The following GALNT13 variants were observed in gnomAD, a reference collection of about 807,000 sequenced individuals.
The protein encoded by GALNT13 is polypeptide N-acetylgalactosaminyltransferase 13.
In GALNT13, 28 loss-of-function variants were observed where a neutral mutation model predicts 64.2. The ratio of observed to expected loss-of-function variants is 0.44; its 90% CI spans 0.32 to 0.60. The LOEUF (loss-of-function observed/expected upper bound fraction) is 0.60, where lower values mean the gene tolerates loss of function less well. Among genes scored for constraint, GALNT13 ranks in the 20% least tolerant of loss-of-function variants. The pLI is 0.05. For missense variants in GALNT13, 577 were observed against 669.8 expected, an observed-to-expected ratio of 0.86 and a Z score of 1.53; for synonymous variants, 214 against 224.6, an observed-to-expected ratio of 0.95 and a Z score of 0.42.
chr2:154,354,949 C>G (rs1402469706), intron 9 of GALNT13, among the ~76,000 whole-genome samples: 1 of 151,930 alleles, frequency 6.6e-6, no homozygotes, highest in Non-Finnish European at 1.5e-5. Flanking sequence ...TAACTTTCTA[C>G]CTGACTGGAT....
the GALNT13 span, among the ~76,000 whole-genome samples, chr2:153,482,441 C>A: frequency 5.3e-5 from 8 of 152,124 alleles, no homozygotes; most frequent in Non-Finnish European, 1.0e-4. Flanking sequence ...TCTTTACTTA[C>A]AACCATGTAA....
At chr2:153,377,283 T>C in the GALNT13 span, among the ~76,000 whole-genome samples, 1 of 152,116 alleles carries the variant, frequency 6.6e-6, no homozygotes, top group Non-Finnish European at 1.5e-5. Context: ...GAAATAAACT[T>C]CTGTTATTGA....
the GALNT13 span, among the ~76,000 whole-genome samples, chr2:153,306,736 C>T: frequency 6.6e-6 from 1 of 152,204 alleles, no homozygotes; most frequent in East Asian, 1.9e-4. Context: ...GGAGATCGTG[C>T]TTTATTCTCT....
chr2:154,383,001 C>T (rs1041957826), intron 9 of GALNT13, among the ~76,000 whole-genome samples: 2 of 151,784 alleles, frequency 1.3e-5, no homozygotes, highest in East Asian at 1.9e-4. Context: ...GAAAAATCCA[C>T]GGGCCAAGAC....
At chr2:153,439,709 C>A in the GALNT13 span, among the ~76,000 whole-genome samples, 1 of 152,150 alleles carries the variant, frequency 6.6e-6, no homozygotes, top group East Asian at 1.9e-4. Context: ...TTTCCAGGTG[C>A]CATCAGTCAC....
chr2:153,367,016 C>CAAAA, the GALNT13 span, among the ~76,000 whole-genome samples: 4 of 148,262 alleles, frequency 2.7e-5, no homozygotes, highest in Admixed American at 2.7e-4. Flanking sequence ...AACAAACAAA[C>CAAAA]AAAAAAAAAA....
At chr2:154,198,351 T>G (rs549190005) in intron 4 of GALNT13, among the ~76,000 whole-genome samples, 133 of 152,130 alleles carry the variant, frequency 8.7e-4, no homozygotes, top group South Asian at 2.1e-3. Context: ...TCTTTGTTGT[T>G]TTTTGTTTTG....
the GALNT13 span, among the ~76,000 whole-genome samples, chr2:153,632,287 C>G: frequency 2.0e-5 from 3 of 152,124 alleles, no homozygotes; most frequent in Non-Finnish European, 4.4e-5. Context: ...GTCCCTAGCC[C>G]CCGCTGAGTT....
the GALNT13 span, among the ~76,000 whole-genome samples, chr2:153,291,559 C>T: frequency 5.3e-5 from 8 of 152,060 alleles, no homozygotes; most frequent in African/African-American, 1.9e-4. Context: ...TTTTCATCCC[C>T]ACCACCATGC....
the GALNT13 span, among the ~76,000 whole-genome samples, chr2:153,221,884 T>G: frequency 6.6e-6 from 1 of 152,116 alleles, no homozygotes; most frequent in Non-Finnish European, 1.5e-5. Context: ...ACCCTGAAGC[T>G]TTGAGACACC....
chr2:154,283,577 CAAAA>C (rs5741595), intron 8 of GALNT13, among the ~76,000 whole-genome samples: 1 of 131,144 alleles, frequency 7.6e-6, no homozygotes, highest in Admixed American at 7.5e-5. Flanking sequence ...GACTCCGTCT[CAAAA>C]AAAAAAAAAA....
chr2:153,225,697 T>A, the GALNT13 span, among the ~76,000 whole-genome samples: 273 of 152,282 alleles, frequency 1.8e-3, 7 homozygotes, highest in East Asian at 0.047. Context: ...ACAATTATAA[T>A]TTGAAATTTA....
At chr2:154,440,268 T>C (rs1701220845) in intron 12 of GALNT13, among the ~76,000 whole-genome samples, 1 of 152,160 alleles carries the variant, frequency 6.6e-6, no homozygotes, top group Admixed American at 6.6e-5. Context: ...AAGCAAGCAG[T>C]GTGGAATTTT....
the GALNT13 span, among the ~76,000 whole-genome samples, chr2:153,702,488 A>G: frequency 6.6e-6 from 1 of 152,150 alleles, no homozygotes; most frequent in Non-Finnish European, 1.5e-5. Flanking sequence ...ATAAAAAATA[A>G]GAGCTTAGGC....
chr2:153,722,598 A>G, the GALNT13 span, among the ~76,000 whole-genome samples: 6 of 151,958 alleles, frequency 3.9e-5, no homozygotes, highest in Admixed American at 3.3e-4. Context: ...TCAAATAGAC[A>G]CAATAAAAAA....
chr2:153,411,179 A>ATTTT, the GALNT13 span, among the ~76,000 whole-genome samples: 2 of 128,304 alleles, frequency 1.6e-5, no homozygotes, highest in South Asian at 2.4e-4. Context: ...ATATATATAT[A>ATTTT]TTTTTTTTTT....
chr2:153,405,213 C>T, the GALNT13 span, among the ~76,000 whole-genome samples: 8 of 152,100 alleles, frequency 5.3e-5, no homozygotes, highest in African/African-American at 1.9e-4. Context: ...GCAAGAAAGA[C>T]AATAGAGTTT....
chr2:153,620,705 C>A, the GALNT13 span, among the ~76,000 whole-genome samples: 1 of 152,008 alleles, frequency 6.6e-6, no homozygotes, highest in Admixed American at 6.6e-5. Context: ...CTCAACACAA[C>A]TATTTTAAAT....
the GALNT13 span, among the ~76,000 whole-genome samples, chr2:153,709,271 C>CA: frequency 6.6e-6 from 1 of 151,402 alleles, no homozygotes; most frequent in Non-Finnish European, 1.5e-5. Flanking sequence ...AGATGAATAG[C>CA]AAAAAACAAC....
Sources: allele counts gnomAD v4.1 joint callset (sites outside exome capture counted in the v4.1 genomes callset), GRCh38; gene constraint gnomAD v4.1.1; transcripts MANE v1.5; gene names NCBI Gene and HGNC (gene_info 2026-07-23, HGNC 2026-07-21).